The following CHCHD3 variants were observed in gnomAD, a reference collection of about 807,000 sequenced individuals.
CHCHD3 encodes MICOS complex subunit MIC19.
Under a neutral mutation model 38.2 loss-of-function variants are expected in CHCHD3, and 20 were observed. That is an observed-to-expected ratio of 0.52 (90% CI 0.37 to 0.76). The LOEUF is 0.76. CHCHD3 is among the 30% of genes least tolerant of loss of function. The pLI, the probability that CHCHD3 is intolerant of heterozygous loss-of-function variation, is 0.00. For missense variants in CHCHD3, 245 were observed against 279.2 expected, an observed-to-expected ratio of 0.88 and a Z score of 0.87; for synonymous variants, 82 against 100.0, an observed-to-expected ratio of 0.82 and a Z score of 1.07.
chr7:133,049,714 A>C (rs1363599255), intron 2 of CHCHD3, among the ~76,000 whole-genome samples: 2 of 152,234 alleles, frequency 1.3e-5, no homozygotes. Flanking sequence ...CTCCATTAAG[A>C]TTCTCCATGA....
chr7:132,820,341 G>C (rs992641420), intron 6 of CHCHD3, among the ~76,000 whole-genome samples: 9 of 152,158 alleles, frequency 5.9e-5, no homozygotes, highest in Admixed American at 2.6e-4. Context: ...TTATAAACTA[G>C]AGTAATAGTA....
chr7:132,942,045 C>T (rs1051158149), intron 4 of CHCHD3, among the ~76,000 whole-genome samples: 1 of 152,112 alleles, frequency 6.6e-6, no homozygotes, highest in South Asian at 2.1e-4. Context: ...AGCAGTAGAG[C>T]TAGAAAGCAA....
chr7:132,980,680 G>A (rs1178920235), intron 3 of CHCHD3, among the ~76,000 whole-genome samples: 1 of 152,088 alleles, frequency 6.6e-6, no homozygotes, highest in Non-Finnish European at 1.5e-5. Flanking sequence ...AGGGACTTAA[G>A]GTACACCAGC....
At chr7:132,802,449 A>G (rs1369066475) in intron 6 of CHCHD3, among the ~76,000 whole-genome samples, 2 of 152,186 alleles carry the variant, frequency 1.3e-5, no homozygotes, top group Non-Finnish European at 2.9e-5. Context: ...ACCCAGCACA[A>G]CTGAAGAGCT....
chr7:132,946,824 A>T (rs1810914387), intron 4 of CHCHD3, among the ~76,000 whole-genome samples: 1 of 151,898 alleles, frequency 6.6e-6, no homozygotes, highest in South Asian at 2.1e-4. Flanking sequence ...GTATTTAGAT[A>T]ATGTTTTTAA....
intron 2 of CHCHD3, among the ~76,000 whole-genome samples, chr7:133,042,451 C>G (rs1813859372): frequency 6.6e-6 from 1 of 152,142 alleles, no homozygotes; most frequent in South Asian, 2.1e-4. Context: ...ACCTTTTACT[C>G]AAACCATCCT....
chr7:132,949,019 G>A (rs967016764), intron 4 of CHCHD3, among the ~76,000 whole-genome samples: 2 of 152,014 alleles, frequency 1.3e-5, no homozygotes, highest in African/African-American at 4.8e-5. Flanking sequence ...TAATCAAAAC[G>A]TCAATGTGAT....
chr7:132,928,395 C>T (rs112695126), intron 4 of CHCHD3, among the ~76,000 whole-genome samples: 2 of 152,180 alleles, frequency 1.3e-5, no homozygotes, highest in African/African-American at 2.4e-5. Flanking sequence ...TCTTAGCCTC[C>T]TACTCTAAAG....
At chr7:132,823,308 T>A (rs1273564376) in intron 6 of CHCHD3, among the ~76,000 whole-genome samples, 9 of 152,210 alleles carry the variant, frequency 5.9e-5, no homozygotes. Flanking sequence ...AAACCATGAA[T>A]AGTACTTAAC....
At chr7:132,847,664 T>C (rs1485068377) in intron 5 of CHCHD3, among the ~76,000 whole-genome samples, 2 of 152,236 alleles carry the variant, frequency 1.3e-5, no homozygotes, top group South Asian at 2.1e-4. Flanking sequence ...CATGCACAGA[T>C]ACACATTATT....
intron 4 of CHCHD3, among the ~76,000 whole-genome samples, chr7:132,899,602 T>C (rs1318118251): frequency 6.6e-6 from 1 of 152,232 alleles, no homozygotes; most frequent in Non-Finnish European, 1.5e-5. Context: ...CCCTTTAGAA[T>C]TGCTTCACTT....
At chr7:132,990,279 A>G (rs1217234403) in intron 3 of CHCHD3, among the ~76,000 whole-genome samples, 2 of 152,178 alleles carry the variant, frequency 1.3e-5, no homozygotes, top group Non-Finnish European at 2.9e-5. Flanking sequence ...CTCCCCATGC[A>G]TCCTCCCCTG....
Position 132,785,304 on chromosome 7 carries a change from C to G in CHCHD3, c.*333G>C, listed in dbSNP as rs1003637561. On this transcript the variant is annotated 3_prime_UTR_variant, in exon 8 of 8. Transcript: ENST00000262570. The stretch of plus-strand genomic sequence containing the variant: ...GGTGGAGGTTCACCAAATGATGGGG[C>G]TTGTTCAGAAGAGAAACATTTTATG... 4.0e-6 allele frequency: 1 copy of G among 249,838 alleles called. No homozygotes were observed. The highest frequency in any genetic ancestry group is 7.6e-6 in the Non-Finnish European group (1 of 131,040). The allele number at this position is 249,838 out of a possible 1,614,324, so 15.5% of individuals were successfully genotyped here. A position where few individuals can be genotyped will look rare whatever the true frequency, so the allele number is the denominator to read the frequency against.
At chr7:132,905,963 G>T (rs1809794676) in intron 4 of CHCHD3, among the ~76,000 whole-genome samples, 1 of 152,186 alleles carries the variant, frequency 6.6e-6, no homozygotes, top group Admixed American at 6.5e-5. Flanking sequence ...AATTAGTATG[G>T]TAAGAGAAAT....
chr7:132,815,360 A>G (rs1002289542), intron 6 of CHCHD3: 8 of 312,734 alleles, frequency 2.6e-5, no homozygotes, highest in African/African-American at 1.8e-4. Context: ...GTTTGCATAT[A>G]TTACAAATGC....
At chr7:132,882,891 C>G (rs541045384) in intron 5 of CHCHD3, among the ~76,000 whole-genome samples, 49 of 152,232 alleles carry the variant, frequency 3.2e-4, no homozygotes, top group African/African-American at 1.1e-3. Flanking sequence ...GCACCCAAAT[C>G]TCATCTTGAA....
At chr7:133,055,480 T>C (rs1814296074) in intron 2 of CHCHD3, among the ~76,000 whole-genome samples, 1 of 145,568 alleles carries the variant, frequency 6.9e-6, no homozygotes, top group Non-Finnish European at 1.5e-5. Context: ...TGTAATTAAT[T>C]ATAATTGTTA....
chr7:132,879,098 T>C (rs1450672033), intron 5 of CHCHD3, among the ~76,000 whole-genome samples: 1 of 152,154 alleles, frequency 6.6e-6, no homozygotes, highest in East Asian at 1.9e-4. Context: ...AATATGTTTA[T>C]AGACAAGGAG....
chr7:132,944,854 CTG>C (rs1810858393), intron 4 of CHCHD3, among the ~76,000 whole-genome samples: 1 of 151,972 alleles, frequency 6.6e-6, no homozygotes, highest in African/African-American at 2.4e-5. Context: ...TTTAATATAA[CTG>C]TCAATATGTT....
Sources: gnomAD v4.1 joint callset for allele counts (sites outside exome capture counted in the v4.1 genomes callset) on GRCh38, gnomAD v4.1.1 for gene constraint, MANE v1.5 for transcripts, NCBI Gene and HGNC (gene_info 2026-07-23, HGNC 2026-07-21) for gene names.